Variants in MGST1 observed in about 807,000 individuals in gnomAD.
The protein encoded by MGST1 is microsomal glutathione S-transferase 1, also known as glutathione S-transferase 12.
A neutral mutation model predicts 8.9 loss-of-function variants in MGST1; 5 were observed. The ratio of observed to expected loss-of-function variants is 0.56; its 90% CI spans 0.29 to 1.19. The LOEUF (loss-of-function observed/expected upper bound fraction) is 1.19. Ranked by LOEUF, MGST1 falls within the 50% of genes most tolerant of loss-of-function variation. The pLI is 0.08. For missense variants in MGST1, 182 were observed against 187.4 expected (o/e 0.97, Z 0.17); for synonymous variants, 54 against 67.8 (o/e 0.80, Z 1.00).
Position 16,455,871 on chromosome 12 carries a change from T to A in MGST1, n.482+72267T>A, listed in dbSNP as rs149889871. Among the ~76,000 whole-genome samples the A allele has an allele frequency of 1.7e-3, 253 of 151,998 alleles. 2 individuals carry two copies. Among genetic ancestry groups the A allele is most frequent in the Admixed American group, 0.015 (229 of 15,214 alleles). ...TGTTAATAGTGTATAACCATAAAAT[T>A]TTCAATAGTAAGTTATTGAAACAAA... On this transcript the variant is annotated intron_variant and non_coding_transcript_variant, in intron 4 of 4. Transcript: ENST00000538857.
At chr12:16,450,831 A>T (rs969331998) in intron 4 of MGST1, among the ~76,000 whole-genome samples, 1 of 120,936 alleles carries the variant, frequency 8.3e-6, no homozygotes, top group East Asian at 2.5e-4. Context: ...TTTCAAATAT[A>T]TATATTCCGT....
intron 4 of MGST1, among the ~76,000 whole-genome samples, chr12:16,568,775 T>G (rs2137413782): frequency 6.6e-6 from 1 of 152,336 alleles, no homozygotes; most frequent in African/African-American, 2.4e-5. Flanking sequence ...ATTCTATTTC[T>G]ATTGGACAGT....
intron 4 of MGST1, among the ~76,000 whole-genome samples, chr12:16,486,091 G>T (rs1941397632): frequency 6.6e-6 from 1 of 152,008 alleles, no homozygotes; most frequent in Non-Finnish European, 1.5e-5. Flanking sequence ...TCTTATTCAG[G>T]CCTTTGCCCA....
intron 1 of MGST1, among the ~76,000 whole-genome samples, chr12:16,427,400 T>G (rs904008846): frequency 6.6e-6 from 1 of 152,218 alleles, no homozygotes; most frequent in African/African-American, 2.4e-5. Flanking sequence ...TTTTTTTGTC[T>G]GAGACAGAGT....
At chr12:16,381,735 C>T (rs1940455370), downstream of MGST1, among the ~76,000 whole-genome samples, 2 of 152,188 alleles carry the variant, frequency 1.3e-5, no homozygotes, top group African/African-American at 4.8e-5. Flanking sequence ...AGAGTGTTTT[C>T]CACCTTGGTT....
chr12:16,451,271 A>G (rs1481928729), intron 4 of MGST1, among the ~76,000 whole-genome samples: 1 of 151,880 alleles, frequency 6.6e-6, no homozygotes, highest in Non-Finnish European at 1.5e-5. Flanking sequence ...CCGAATAGGT[A>G]TTGTTTCACT....
At chr12:16,400,172 T>A (rs574009426) in intron 1 of MGST1, 1 of 1,193,048 alleles carries the variant, frequency 8.4e-7, no homozygotes, top group African/African-American at 1.5e-5. Flanking sequence ...TGTTGATGTT[T>A]CCCTAAGTCC....
chr12:16,408,763 A>G (rs1034330828), intron 1 of MGST1, among the ~76,000 whole-genome samples: 6 of 152,096 alleles, frequency 3.9e-5, no homozygotes, highest in Non-Finnish European at 5.9e-5. Flanking sequence ...TATTTGTTAA[A>G]TCACCTCCCT....
rs1387543316 is a variant in MGST1 at position 16,413,361 on chromosome 12, A to T, written n.779-24027A>T. Among the ~76,000 whole-genome samples the T allele has an allele frequency of 6.6e-6, 1 of 152,086 alleles. No homozygotes were observed. The highest frequency in any genetic ancestry group is 1.5e-5 in the Non-Finnish European group (1 of 68,042). ...CCTGCATGTCCATGAATCCTGCAGC[A>T]AAAAAGACATCTGTTCATCCCGCAA... On this transcript the variant is annotated intron_variant and non_coding_transcript_variant, in intron 1 of 1. Coordinates refer to the MGST1 transcript ENST00000359720. The surrounding 1 kb of genome is among the most constrained non-coding windows in gnomAD (Gnocchi z 4.0).
At chr12:16,373,312 A>G (rs933736616) in intron 3 of MGST1, among the ~76,000 whole-genome samples, 2 of 151,690 alleles carry the variant, frequency 1.3e-5, no homozygotes, top group Non-Finnish European at 2.9e-5. Flanking sequence ...ATATGGTTGG[A>G]TGGAAGGAAT....
At chr12:16,540,656 C>T (rs1174090483) in intron 4 of MGST1, among the ~76,000 whole-genome samples, 1 of 152,156 alleles carries the variant, frequency 6.6e-6, no homozygotes, top group African/African-American at 2.4e-5. Flanking sequence ...TGAGGCAAGG[C>T]GTGGTGGCTC....
At chr12:16,395,794 T>C (rs865899218) in intron 1 of MGST1, among the ~76,000 whole-genome samples, 16,450 of 132,924 alleles carry the variant, frequency 0.12, 1,438 homozygotes, top group East Asian at 0.27. Flanking sequence ...TATATATATA[T>C]ATATATATAT....
intron 4 of MGST1, among the ~76,000 whole-genome samples, chr12:16,494,800 T>G (rs1240903834): frequency 6.6e-6 from 1 of 152,120 alleles, no homozygotes; most frequent in African/African-American, 2.4e-5. Flanking sequence ...AGGGTAAACG[T>G]GAAAATCATC....
At chr12:16,437,411 G>A (rs546496067) in exon 2 of MGST1, 1 of 151,938 alleles carries the variant, frequency 6.6e-6, no homozygotes, top group Admixed American at 6.6e-5. Context: ...TGAATCTTTA[G>A]CACAACAGGG....
At chr12:16,372,637 A>G (rs1940312538) in intron 3 of MGST1, among the ~76,000 whole-genome samples, 1 of 152,012 alleles carries the variant, frequency 6.6e-6, no homozygotes, top group Non-Finnish European at 1.5e-5. Flanking sequence ...CAAAGAATTA[A>G]AAATAGAATT....
downstream of MGST1, among the ~76,000 whole-genome samples, chr12:16,380,649 T>A (rs1591712392): frequency 6.6e-6 from 1 of 152,190 alleles, no homozygotes; most frequent in Admixed American, 6.5e-5. Context: ...TCTGTAGATG[T>A]CTATTAGGTC....
At chr12:16,563,867 T>C (rs1942490271) in intron 4 of MGST1, among the ~76,000 whole-genome samples, 1 of 152,218 alleles carries the variant, frequency 6.6e-6, no homozygotes, top group Admixed American at 6.5e-5. Flanking sequence ...TCTATTTTGC[T>C]CATTTTAAGA....
intron 4 of MGST1, chr12:16,550,235 A>C (rs1941938548): frequency 6.6e-6 from 1 of 152,424 alleles, no homozygotes; most frequent in South Asian, 2.1e-4. Flanking sequence ...TAAGCCATAA[A>C]GTTATGAAAC....
chr12:16,588,320 A>G (rs1361648004), intron 4 of MGST1, among the ~76,000 whole-genome samples: 1 of 152,068 alleles, frequency 6.6e-6, no homozygotes, highest in African/African-American at 2.4e-5. Context: ...AATTGTTTAA[A>G]GAACACTGTG....
Sources: allele counts gnomAD v4.1 joint callset (sites outside exome capture counted in the v4.1 genomes callset), GRCh38; gene constraint gnomAD v4.1.1; non-coding constraint Gnocchi (gnomAD v3.1); transcripts MANE v1.5; gene names NCBI Gene and HGNC (gene_info 2026-07-23, HGNC 2026-07-21).